Variants in HTRA1 observed in about 807,000 individuals in gnomAD.
The protein encoded by HTRA1 is HtrA serine peptidase 1.
HTRA1 carries 26 observed loss-of-function variants against 49.7 expected under a neutral mutation model. The observed-to-expected ratio is 0.52, with a 90% CI of 0.38 to 0.73. HTRA1 has a LOEUF of 0.73. Ranked by LOEUF, HTRA1 falls within the 30% of genes least tolerant of loss-of-function variation. HTRA1 has a pLI of 0.00. For missense variants in HTRA1, 561 were observed against 667.2 expected (o/e 0.84, Z 1.75); for synonymous variants, 291 against 286.9 (o/e 1.01, Z -0.14).
rs192371248 is a variant in HTRA1 at position 122,477,232 on chromosome 10, G to A, written c.473-11670G>A. On this transcript the variant is annotated intron_variant, in intron 1 of 8. Transcript: ENST00000368984. ...TCTGCCCACCTTGGCCTCCCAAAGC[G>A]CTGGGATTACAGGTGTGAGCCACCA... 3.8e-3 allele frequency among the ~76,000 whole-genome samples: 582 copies of A among 152,252 alleles called. 1 individual carries two copies. The highest frequency in any genetic ancestry group is 5.9e-3 in the Non-Finnish European group (404 of 68,012).
At chr10:122,505,063 C>T (rs2133448372) in intron 3 of HTRA1, among the ~76,000 whole-genome samples, 1 of 152,380 alleles carries the variant, frequency 6.6e-6, no homozygotes, top group South Asian at 2.1e-4. Flanking sequence ...ATGGTGCTTA[C>T]AGGAGCCAGC....
Position 122,462,094 on chromosome 10 carries a change from A to C in HTRA1, c.442A>C (p.Ile148Leu), listed in dbSNP as rs1379646053. ...CGAGAGGCTGCACCGGCCGCCGGTCATCGTCCTGCAGCGCGGAGCCTGCGG... is the reference window on the plus strand; with the variant it reads ...CGAGAGGCTGCACCGGCCGCCGGTCCTCGTCCTGCAGCGCGGAGCCTGCGG... ...RSERLHRPPVIVLQRGACGQG... is the reference protein window; with the variant it reads ...RSERLHRPPVLVLQRGACGQG... Residue 148 changes from isoleucine (I) to leucine (L), a missense_variant, in exon 1 of 9, where the codon ATC becomes CTC. Physicochemically the swap from Ile to Leu is conservative, Grantham distance 5. Coordinates refer to ENST00000368984, the MANE Select transcript of HTRA1 (RefSeq NM_002775.5). 2 of 1,534,050 alleles carry C rather than the reference A, an allele frequency of 1.3e-6. No individual in the cohort carries two copies. Among genetic ancestry groups the C allele is most frequent in the East Asian group, 2.4e-5 (1 of 40,874 alleles).
At chr10:122,504,261 G>C (rs769662362) in intron 3 of HTRA1, among the ~76,000 whole-genome samples, 1 of 152,212 alleles carries the variant, frequency 6.6e-6, no homozygotes, top group Non-Finnish European at 1.5e-5. Flanking sequence ...TCAGACGGTG[G>C]AAAAGAAGAG....
Position 122,490,301 on chromosome 10 carries a change from G to A in HTRA1, c.777+675G>A, listed in dbSNP as rs1363990005. Among the ~76,000 whole-genome samples the A allele has an allele frequency of 1.3e-5, 2 of 152,132 alleles. No homozygotes were observed. Among genetic ancestry groups the A allele is most frequent in the African/African-American group, 4.8e-5 (2 of 41,418 alleles). On this transcript the variant is annotated intron_variant, in intron 3 of 8. Coordinates refer to ENST00000368984, the MANE Select transcript of HTRA1 (RefSeq NM_002775.5). The surrounding 1 kb of genome is among the most constrained non-coding windows in gnomAD (Gnocchi z 4.2). ...TCATTTGAGTATACAGCTTTTTGTG[G>A]GGGCAGGCAGAACTGAGACATACCA...
At position 122,461,976 on chromosome 10, in the gene HTRA1, C is replaced by A. The variant is rs2097481604; in HGVS notation, c.324C>A (p.Gly108=). The A allele has an allele frequency of 2.6e-6, 4 of 1,518,770 alleles. No individual in the cohort carries two copies. The highest frequency in any genetic ancestry group is 3.5e-6 in the Non-Finnish European group (4 of 1,140,260). The allele number at this position is 1,518,770 out of a possible 1,614,324, so 94.1% of individuals were successfully genotyped here. A position where few individuals can be genotyped will look rare whatever the true frequency, so the allele number is the denominator to read the frequency against. ...CGGTGCGGCGGCGCGCGCAGGCCGG[C>A]CTCTGTGTGTGCGCCAGCAGCGAGC... ...SATVRRRAQA[G]LCVCASSEPV... The change falls in exon 1 of 9, where the codon GGC becomes GGA. Residue 108 remains glycine, a synonymous_variant. Coordinates refer to ENST00000368984, the MANE Select transcript of HTRA1 (RefSeq NM_002775.5).
Position 122,514,344 on chromosome 10 carries a change from A to T in HTRA1, c.1428A>T (p.Glu476Asp). The T allele has an allele frequency of 6.2e-7, 1 of 1,614,134 alleles. No homozygotes were observed. Among genetic ancestry groups the T allele is most frequent in the Non-Finnish European group, 8.5e-7 (1 of 1,179,992 alleles). Residue 476 changes from glutamate to aspartate, a missense_variant, in exon 9 of 9, where the codon GAA becomes GAT. Physicochemically the swap from Glu to Asp is conservative, Grantham distance 45. Coordinates refer to ENST00000368984, the MANE Select transcript of HTRA1 (RefSeq NM_002775.5). ...ATATCATGATCACAGTGATTCCCGA[A>T]GAAATTGACCCATAGGCAGAGGCAT... is the stretch of plus-strand genomic sequence containing the variant. The part of the protein sequence containing the change: ...NEDIMITVIP[E>D]EIDP
At chr10:122,500,324 G>A (rs1268650734) in intron 3 of HTRA1, among the ~76,000 whole-genome samples, 1 of 152,206 alleles carries the variant, frequency 6.6e-6, no homozygotes, top group Non-Finnish European at 1.5e-5. Flanking sequence ...TGGGGACCCT[G>A]TTGCCTGTTT....
Position 122,508,622 on chromosome 10 carries a change from C to G in HTRA1, c.1006-34C>G, listed in dbSNP as rs200109152. On this transcript the variant is annotated intron_variant, in intron 5 of 8. Coordinates refer to ENST00000368984, the MANE Select transcript of HTRA1 (RefSeq NM_002775.5). ...GTGTGTACCTGCCGGTAAAGCTTCA[C>G]GATTCAGTAAGCCGTGTCCTTCTTG... 99 of 1,352,206 alleles carry G rather than the reference C, an allele frequency of 7.3e-5. No homozygotes were observed. The African/African-American group carries it at 1.2e-3, about 16-fold the overall frequency. The allele number at this position is 1,352,206 out of a possible 1,614,324, so 83.8% of individuals were successfully genotyped here.
chr10:122,509,945 G>A, intron 6 of HTRA1, 151 bp from the exon 7 acceptor site: 1 of 715,290 alleles, frequency 1.4e-6, no homozygotes, highest in Non-Finnish European at 2.6e-6. Context: ...CCCCAGAGGG[G>A]AGGGGTCCAG....
rs1399337919 is a variant in HTRA1 at position 122,461,702 on chromosome 10, C to T, written c.50C>T (p.Ala17Val). ...ALLPLLLLLL[A>V]APASAQLSRA... ...CTCCCGCTGCTGCTGCTGCTGCTGG[C>T]GGCGCCCGCCTCGGCGCAGCTGTCC... is the stretch of plus-strand genomic sequence containing the variant. The change falls in exon 1 of 9, where the codon GCG becomes GTG. Residue 17 changes from alanine to valine, a missense_variant. Coordinates refer to ENST00000368984, the MANE Select transcript of HTRA1 (RefSeq NM_002775.5). The T allele has an allele frequency of 3.1e-6, 4 of 1,295,980 alleles. No homozygotes were observed. Among genetic ancestry groups the T allele is most frequent in the Non-Finnish European group, 4.0e-6 (4 of 1,006,058 alleles). The allele number at this position is 1,295,980 out of a possible 1,614,324, so 80.3% of individuals were successfully genotyped here. A position where few individuals can be genotyped will look rare whatever the true frequency, so the allele number is the denominator to read the frequency against.
At chr10:122,496,228 C>CTTTTTTTTT (rs71026021) in intron 3 of HTRA1, among the ~76,000 whole-genome samples, 20 of 75,680 alleles carry the variant, frequency 2.6e-4, no homozygotes, top group African/African-American at 1.1e-3. Flanking sequence ...ATTGTGGGTT[C>CTTTTTTTTT]TTTTTTTTTT....
At chr10:122,496,854 C>G (rs564997561) in intron 3 of HTRA1, among the ~76,000 whole-genome samples, 1 of 152,276 alleles carries the variant, frequency 6.6e-6, no homozygotes, top group Admixed American at 6.5e-5. Flanking sequence ...CCCTCCAGAA[C>G]AAGTTTCTGG....
In HTRA1 at chr10:122,487,003, TA is replaced by T. The variant is rs1476160439; in HGVS notation, c.473-1898del. The stretch of plus-strand genomic sequence containing the variant: ...TCTCTGTGTATATATGCATGTGTGT[TA>T]GGGGCAGGCACACAGGCCTGTTGGT... On this transcript the variant is annotated intron_variant, in intron 1 of 8. Coordinates refer to ENST00000368984, the MANE Select transcript of HTRA1 (RefSeq NM_002775.5). This position sits in a 1 kb window ranked among gnomAD's most constrained non-coding sequence, Gnocchi z 4.8. Among the ~76,000 whole-genome samples, 1 of 151,970 alleles carries T rather than the reference TA, an allele frequency of 6.6e-6. No individual in the cohort carries two copies. The highest frequency in any genetic ancestry group is 1.5e-5 in the Non-Finnish European group (1 of 67,994).
chr10:122,495,558 A>G (rs535658595), intron 3 of HTRA1, among the ~76,000 whole-genome samples: 54 of 152,282 alleles, frequency 3.5e-4, no homozygotes, highest in African/African-American at 9.6e-4. Context: ...CAGTTCCCCA[A>G]ACTCTCAGAA....
chr10:122,495,008 G>A (rs1485332207), intron 3 of HTRA1, among the ~76,000 whole-genome samples: 1 of 152,056 alleles, frequency 6.6e-6, no homozygotes, highest in Non-Finnish European at 1.5e-5. Flanking sequence ...GTGGACTGGG[G>A]TGGTGCTTGC....
At chr10:122,482,064 A>G (rs1193489182) in intron 1 of HTRA1, among the ~76,000 whole-genome samples, 1 of 152,212 alleles carries the variant, frequency 6.6e-6, no homozygotes, top group Non-Finnish European at 1.5e-5. Context: ...AGGCCAAAAA[A>G]TACCCAACAG....
At chr10:122,501,983 T>G (rs2097501078) in intron 3 of HTRA1, among the ~76,000 whole-genome samples, 2 of 131,812 alleles carry the variant, frequency 1.5e-5, no homozygotes, top group African/African-American at 2.8e-5. Context: ...TTTTTTTTTT[T>G]TTTTTTTTTT....
chr10:122,504,762 C>T (rs567803672), intron 3 of HTRA1, among the ~76,000 whole-genome samples: 41 of 152,230 alleles, frequency 2.7e-4, no homozygotes, highest in Non-Finnish European at 5.6e-4. Flanking sequence ...CTGGCCCAGG[C>T]CCAGAGTAAA....
rs572053115 is a variant in HTRA1 at position 122,491,347 on chromosome 10, G to A, written c.777+1721G>A. On this transcript the variant is annotated intron_variant, in intron 3 of 8. Transcript: ENST00000368984. ...GACCTTAAACAGCCCATGGGAAGGC[G>A]GGTGCATCTGGTTTAGGAACAGGCT... 7.7e-4 allele frequency among the ~76,000 whole-genome samples: 118 copies of A among 152,326 alleles called. 3 individuals are homozygous for A. In the South Asian group the frequency reaches 0.024, roughly 31 times the overall value.
Sources: gnomAD v4.1 joint callset for allele counts (sites outside exome capture counted in the v4.1 genomes callset) on GRCh38, gnomAD v4.1.1 for gene constraint, Gnocchi (gnomAD v3.1) non-coding constraint, MANE v1.5 for transcripts, NCBI Gene and HGNC (gene_info 2026-07-23, HGNC 2026-07-21) for gene names.